The following AGMO variants were observed in gnomAD, a reference collection of about 807,000 sequenced individuals.
AGMO encodes the protein alkylglycerol monooxygenase, also known as glyceryl-ether monooxygenase.
AGMO carries 75 observed loss-of-function variants against 60.2 expected under a neutral mutation model. That is an observed-to-expected ratio of 1.25 (90% CI 1.03 to 1.51). The LOEUF is 1.51. Among genes scored for constraint, AGMO ranks in the 40% most tolerant of loss-of-function variants. The probability of loss-of-function intolerance (pLI) is 0.00; values close to 1 mark genes in which losing one functional copy is unlikely to be tolerated. For missense variants in AGMO, 763 were observed against 525.5 expected (o/e 1.45, Z -4.42); for synonymous variants, 261 against 177.1 (o/e 1.47, Z -3.76).
At chr7:15,555,850 A>G (rs1336443847) in intron 2 of AGMO, among the ~76,000 whole-genome samples, 3 of 152,064 alleles carry the variant, frequency 2.0e-5, no homozygotes, top group Non-Finnish European at 4.4e-5. Flanking sequence ...TAATGCAAAT[A>G]TTAAGAACAA....
At chr7:15,355,504 C>CCAAA (rs1168628657) in intron 12 of AGMO, among the ~76,000 whole-genome samples, 5 of 81,736 alleles carry the variant, frequency 6.1e-5, no homozygotes, top group African/African-American at 2.0e-4. Context: ...GACTCTGTCT[C>CCAAA]AAAAAAAAAA....
Position 15,340,409 on chromosome 7 carries a change from G to C in AGMO, c.1263+25105C>G, listed in dbSNP as rs1375757691. On this transcript the variant is annotated intron_variant, in intron 12 of 12. Transcript: ENST00000342526. Reference sequence around the variant, plus strand: ...TAAGACTTCAGGTCGGCTCTTTAGAGGTGCCAGAGACAATCTTACTACATA... The same window carrying C: ...TAAGACTTCAGGTCGGCTCTTTAGACGTGCCAGAGACAATCTTACTACATA... Among the ~76,000 whole-genome samples, 6 of 152,182 alleles carry C rather than the reference G, an allele frequency of 3.9e-5. No individual in the cohort carries two copies. The East Asian group carries it at 9.6e-4, about 24-fold the overall frequency.
intron 3 of AGMO, among the ~76,000 whole-genome samples, chr7:15,463,962 A>G (rs1782211789): frequency 6.6e-6 from 1 of 152,194 alleles, no homozygotes; most frequent in Non-Finnish European, 1.5e-5. Flanking sequence ...GAATATTTCA[A>G]TAGGGCTGAC....
At position 15,560,221 on chromosome 7, in the gene AGMO, C is replaced by A; in HGVS notation, c.177G>T (p.Trp59Cys). 1 of 1,612,908 alleles carries A rather than the reference C, an allele frequency of 6.2e-7. No homozygotes were observed. Among genetic ancestry groups the A allele is most frequent in the Non-Finnish European group, 8.5e-7 (1 of 1,179,228 alleles). The change falls in exon 2 of 13, where the codon TGG (tryptophan) becomes TGT (cysteine). Residue 59 changes from tryptophan to cysteine, a missense_variant. By Grantham distance (215) the Trp-to-Cys change is radical (BLOSUM62 -2). Coordinates refer to ENST00000342526, the MANE Select transcript of AGMO (RefSeq NM_001004320.2). ...SLMLLELVVS[W>C]ILKGKPPGRL... Reference sequence around the variant, plus strand: ...GACCTGGTGGCTTTCCTTTGAGAATCCAGCTGACAACAAGTTCAAGCAGCA... The same window carrying A: ...GACCTGGTGGCTTTCCTTTGAGAATACAGCTGACAACAAGTTCAAGCAGCA...
chr7:15,559,527 T>C (rs1785243932), intron 2 of AGMO, among the ~76,000 whole-genome samples: 1 of 152,084 alleles, frequency 6.6e-6, no homozygotes, highest in Non-Finnish European at 1.5e-5. Context: ...ATGTGGACAA[T>C]GGCAAGTAGT....
chr7:15,500,124 A>T (rs970659483), intron 3 of AGMO, among the ~76,000 whole-genome samples: 3 of 151,828 alleles, frequency 2.0e-5, no homozygotes, highest in Admixed American at 2.0e-4. Flanking sequence ...TATCAAATTA[A>T]AAGAGAAGAT....
chr7:15,163,128 G>T, the AGMO span, among the ~76,000 whole-genome samples: 1 of 152,078 alleles, frequency 6.6e-6, no homozygotes, highest in African/African-American at 2.4e-5. Flanking sequence ...CAGCTTGAAG[G>T]TTATTGGTGT....
chr7:15,322,567 T>A (rs865785421), intron 12 of AGMO, among the ~76,000 whole-genome samples: 18 of 40,034 alleles, frequency 4.5e-4, no homozygotes, highest in African/African-American at 1.6e-3. Flanking sequence ...AATATATAAA[T>A]ATATATAAAT....
the AGMO span, among the ~76,000 whole-genome samples, chr7:15,154,974 C>T: frequency 1.3e-5 from 2 of 152,074 alleles, no homozygotes; most frequent in Admixed American, 1.3e-4. Context: ...CCACTGTTAC[C>T]CTGATGGGGT....
intron 2 of AGMO, among the ~76,000 whole-genome samples, chr7:15,555,288 TATATAC>T (rs1358339782): frequency 2.5e-3 from 250 of 99,978 alleles, no homozygotes; most frequent in East Asian, 0.019. Flanking sequence ...TATATATATA[TATATAC>T]ACACACACAC....
chr7:15,293,534 T>C (rs766380704), intron 12 of AGMO, among the ~76,000 whole-genome samples: 1 of 152,038 alleles, frequency 6.6e-6, no homozygotes, highest in Non-Finnish European at 1.5e-5. Context: ...ATGTAAGTTA[T>C]AAAAAAATGT....
In AGMO at chr7:15,530,577, T is replaced by C. The variant is rs539015584; in HGVS notation, c.409+14195A>G. 2.7e-5 allele frequency among the ~76,000 whole-genome samples: 3 copies of C among 109,460 alleles called. No individual in the cohort carries two copies. In the East Asian group the frequency reaches 7.7e-4, roughly 28 times the overall value. The allele number at this position is 109,460 out of a possible 152,430, so 71.8% of individuals were successfully genotyped here. A position where few individuals can be genotyped will look rare whatever the true frequency, so the allele number is the denominator to read the frequency against. ...TACGTATTTCTATATATATTCTATATACGTATTTCTATATATATATTCTAT... is the reference window on the plus strand; with the variant it reads ...TACGTATTTCTATATATATTCTATACACGTATTTCTATATATATATTCTAT... On this transcript the variant is annotated intron_variant, in intron 3 of 12. Transcript: ENST00000342526.
chr7:15,129,841 C>T, the AGMO span, among the ~76,000 whole-genome samples: 1 of 152,126 alleles, frequency 6.6e-6, no homozygotes, highest in Non-Finnish European at 1.5e-5. Context: ...AGTGATAGGG[C>T]CTGCTTAACT....
chr7:15,327,779 ACT>A (rs528137125), intron 12 of AGMO, among the ~76,000 whole-genome samples: 9 of 114,394 alleles, frequency 7.9e-5, no homozygotes, highest in African/African-American at 2.8e-4. Context: ...ACAAGGTCTC[ACT>A]CTGTCACCCA....
chr7:15,476,376 C>G (rs1184060685), intron 3 of AGMO, among the ~76,000 whole-genome samples: 22 of 152,030 alleles, frequency 1.4e-4, no homozygotes, highest in Admixed American at 1.4e-3. Flanking sequence ...AAAATTCAGT[C>G]TTTGAAGATA....
At chr7:15,176,961 G>A in the AGMO span, among the ~76,000 whole-genome samples, 3 of 151,944 alleles carry the variant, frequency 2.0e-5, no homozygotes, top group Non-Finnish European at 2.9e-5. Flanking sequence ...TTAATCACAT[G>A]ACCAAGACAT....
At chr7:15,432,039 A>T (rs1027197172) in intron 3 of AGMO, among the ~76,000 whole-genome samples, 4 of 151,718 alleles carry the variant, frequency 2.6e-5, no homozygotes, top group African/African-American at 4.8e-5. Context: ...TATTCAGTTT[A>T]AAAAAATCTG....
rs1350402724 is a variant in AGMO, at chr7:15,221,596, C to T, written c.1264-20237G>A. ...GATATTTCTTCTCCTTGGTGAGAAG[C>T]AGGATATGCTACGTGGCTTTTGTTT... On this transcript the variant is annotated intron_variant, in intron 12 of 12. Coordinates refer to ENST00000342526, the MANE Select transcript of AGMO (RefSeq NM_001004320.2). 5.9e-5 allele frequency among the ~76,000 whole-genome samples: 9 copies of T among 152,088 alleles called. No homozygotes were observed. In the East Asian group the frequency reaches 1.2e-3, roughly 20 times the overall value.
chr7:15,357,854 T>G (rs769349476), intron 12 of AGMO, among the ~76,000 whole-genome samples: 1 of 152,180 alleles, frequency 6.6e-6, no homozygotes, highest in African/African-American at 2.4e-5. Flanking sequence ...ATAATAAATC[T>G]TCATTTGCTT....
Sources: allele counts gnomAD v4.1 joint callset (sites outside exome capture counted in the v4.1 genomes callset), GRCh38; gene constraint gnomAD v4.1.1; transcripts MANE v1.5; gene names NCBI Gene and HGNC (gene_info 2026-07-23, HGNC 2026-07-21).